SGMS1: variants seen among roughly 807,000 people sequenced by gnomAD.
SGMS1 encodes the protein sphingomyelin synthase 1.
Under a neutral mutation model 46.2 loss-of-function variants are expected in SGMS1, and 13 were observed. The observed-to-expected ratio is 0.28, with a 90% CI of 0.18 to 0.45. SGMS1 has a LOEUF of 0.45. SGMS1 is among the 20% of genes least tolerant of loss of function. SGMS1 has a pLI of 1.00. For missense variants in SGMS1, 324 were observed against 519.9 expected, an observed-to-expected ratio of 0.62 and a Z score of 3.66; for synonymous variants, 203 against 187.8, an observed-to-expected ratio of 1.08 and a Z score of -0.66.
At chr10:50,608,386 A>G (rs1838716507) in intron 1 of SGMS1, among the ~76,000 whole-genome samples, 1 of 152,256 alleles carries the variant, frequency 6.6e-6, no homozygotes, top group South Asian at 2.1e-4. Flanking sequence ...GAAGAGAAAT[A>G]AGAAAAAGAA....
chr10:50,593,464 A>G (rs1360681688), intron 1 of SGMS1, among the ~76,000 whole-genome samples: 1 of 152,226 alleles, frequency 6.6e-6, no homozygotes, highest in Non-Finnish European at 1.5e-5. Flanking sequence ...GAATAATAAA[A>G]TAAATCTCAT....
intron 8 of SGMS1, among the ~76,000 whole-genome samples, chr10:50,326,949 A>C (rs1847541755): frequency 6.6e-6 from 1 of 152,150 alleles, no homozygotes; most frequent in African/African-American, 2.4e-5. Context: ...ATATTTTAAC[A>C]ATTTGGCAGG....
rs538961956 is a variant in SGMS1, at chr10:50,492,481, A to G, written c.-497-25549T>C. On this transcript the variant is annotated intron_variant, in intron 3 of 10. Coordinates refer to ENST00000361781, the MANE Select transcript of SGMS1 (RefSeq NM_147156.4). ...CTCAAAATACAAAATCAATGTGCAA[A>G]AATCACTAGCATTCCTACACACCAA... Among the ~76,000 whole-genome samples the G allele has an allele frequency of 5.9e-5, 9 of 152,348 alleles. No homozygotes were observed. The East Asian group carries it at 1.7e-3, about 29-fold the overall frequency.
At chr10:50,392,955 T>G (rs760574774) in intron 6 of SGMS1, among the ~76,000 whole-genome samples, 2 of 152,100 alleles carry the variant, frequency 1.3e-5, no homozygotes, top group Non-Finnish European at 2.9e-5. Flanking sequence ...TGAACCCAAT[T>G]TGGTTAAAAA....
intron 1 of SGMS1, among the ~76,000 whole-genome samples, chr10:50,599,300 G>A (rs1002362398): frequency 6.6e-6 from 1 of 152,170 alleles, no homozygotes; most frequent in Non-Finnish European, 1.5e-5. Flanking sequence ...AACTGCTTTT[G>A]CCCTTGCATT....
chr10:50,360,100 G>A (rs768818719), intron 6 of SGMS1, among the ~76,000 whole-genome samples: 1 of 151,976 alleles, frequency 6.6e-6, no homozygotes, highest in Non-Finnish European at 1.5e-5. Flanking sequence ...TCCTTCATTA[G>A]CTTTCTTAAA....
chr10:50,569,484 C>T (rs1444161865), intron 2 of SGMS1, among the ~76,000 whole-genome samples: 2 of 152,018 alleles, frequency 1.3e-5, no homozygotes, highest in African/African-American at 4.8e-5. Flanking sequence ...GGTAGGGACT[C>T]TGCAGTTTCT....
At chr10:50,521,164 C>G (rs963902248) in intron 2 of SGMS1, among the ~76,000 whole-genome samples, 2 of 152,192 alleles carry the variant, frequency 1.3e-5, no homozygotes, top group Non-Finnish European at 2.9e-5. Context: ...ACTACCATAA[C>G]TGGCCTTTAA....
At chr10:50,406,704 C>CTT (rs11424535) in intron 6 of SGMS1, among the ~76,000 whole-genome samples, 50,405 of 144,950 alleles carry the variant, frequency 0.35, 10,259 homozygotes, top group Admixed American at 0.48. Flanking sequence ...AGCTATAATT[C>CTT]TTTTTTTTTT....
intron 2 of SGMS1, among the ~76,000 whole-genome samples, chr10:50,533,261 T>C (rs1480877185): frequency 6.6e-6 from 1 of 152,218 alleles, no homozygotes; most frequent in African/African-American, 2.4e-5. Context: ...CAAGAAATTC[T>C]TTTATTTTAG....
At chr10:50,560,335 A>G (rs1838224519) in intron 2 of SGMS1, among the ~76,000 whole-genome samples, 1 of 135,516 alleles carries the variant, frequency 7.4e-6, no homozygotes, top group South Asian at 2.2e-4. Flanking sequence ...ATATATTATT[A>G]ATATTATTAA....
intron 2 of SGMS1, among the ~76,000 whole-genome samples, chr10:50,532,227 G>C (rs371626934): frequency 1.4e-4 from 3 of 20,748 alleles, no homozygotes; most frequent in Non-Finnish European, 4.7e-4. Context: ...GAATGAGACT[G>C]TGTGTGTGTG....
At chr10:50,453,470 G>A (rs965394981) in intron 5 of SGMS1, among the ~76,000 whole-genome samples, 12 of 150,882 alleles carry the variant, frequency 8.0e-5, no homozygotes, top group African/African-American at 2.4e-4. Flanking sequence ...CATCAAGGAC[G>A]GCTTAAACAG....
intron 2 of SGMS1, among the ~76,000 whole-genome samples, chr10:50,583,399 A>G (rs2131880055): frequency 6.6e-6 from 1 of 152,334 alleles, no homozygotes; most frequent in South Asian, 2.1e-4. Context: ...AACCATTCCC[A>G]GCTATCATCA....
intron 5 of SGMS1, among the ~76,000 whole-genome samples, chr10:50,434,498 C>A (rs1203411): frequency 0.18 from 27,200 of 152,086 alleles, 2,929 homozygotes; most frequent in Non-Finnish European, 0.25. Context: ...GAGGCAGTGT[C>A]ACCTCAGTTA....
At chr10:50,546,411 A>G (rs549304344) in intron 2 of SGMS1, among the ~76,000 whole-genome samples, 1 of 152,340 alleles carries the variant, frequency 6.6e-6, no homozygotes, top group East Asian at 1.9e-4. Flanking sequence ...TGCTATAAAG[A>G]CACATGCACA....
chr10:50,479,690 A>G (rs923171923), intron 3 of SGMS1, among the ~76,000 whole-genome samples: 5 of 152,196 alleles, frequency 3.3e-5, no homozygotes, highest in African/African-American at 1.2e-4. Flanking sequence ...GCCCTTGGTC[A>G]AAAGCACTTA....
At chr10:50,384,249 T>C (rs1204402335) in intron 6 of SGMS1, among the ~76,000 whole-genome samples, 1 of 152,222 alleles carries the variant, frequency 6.6e-6, no homozygotes, top group Non-Finnish European at 1.5e-5. Context: ...CACTAATGAT[T>C]ACCATTTGTA....
intron 3 of SGMS1, among the ~76,000 whole-genome samples, chr10:50,480,581 G>C (rs1395439167): frequency 1.3e-5 from 2 of 150,420 alleles, no homozygotes; most frequent in African/African-American, 4.9e-5. Context: ...TTAAGTGATT[G>C]TGCTACCCTG....
Sources: gnomAD v4.1 joint callset for allele counts (sites outside exome capture counted in the v4.1 genomes callset) on GRCh38, gnomAD v4.1.1 for gene constraint, MANE v1.5 for transcripts, NCBI Gene and HGNC (gene_info 2026-07-23, HGNC 2026-07-21) for gene names.